Variants in ALDH1A1 observed in about 807,000 individuals in gnomAD.
ALDH1A1 encodes aldehyde dehydrogenase 1 family member A1.
A neutral mutation model predicts 62.1 loss-of-function variants in ALDH1A1; 19 were observed. The ratio of observed to expected loss-of-function variants is 0.31; its 90% CI spans 0.21 to 0.45. ALDH1A1 has a LOEUF of 0.45. Ranked by LOEUF, ALDH1A1 falls within the 20% of genes least tolerant of loss-of-function variation. ALDH1A1 has a pLI of 1.00. For missense variants in ALDH1A1, 521 were observed against 607.1 expected, an observed-to-expected ratio of 0.86 and a Z score of 1.49; for synonymous variants, 231 against 215.9, an observed-to-expected ratio of 1.07 and a Z score of -0.61.
At chr9:72,910,227 T>C (rs1829966101) in intron 10 of ALDH1A1, among the ~76,000 whole-genome samples, 1 of 152,192 alleles carries the variant, frequency 6.6e-6, no homozygotes, top group South Asian at 2.1e-4. Context: ...ATAATAATAA[T>C]GCTTTAAATA....
chr9:72,935,981 A>G (rs1429087770), intron 2 of ALDH1A1, among the ~76,000 whole-genome samples: 4 of 152,232 alleles, frequency 2.6e-5, no homozygotes, highest in Non-Finnish European at 5.9e-5. Context: ...AATTCAAAAA[A>G]GAATGTGATG....
At chr9:72,939,333 G>C (rs1352810060) in intron 2 of ALDH1A1, among the ~76,000 whole-genome samples, 2 of 152,020 alleles carry the variant, frequency 1.3e-5, no homozygotes. Flanking sequence ...TCTATTATTA[G>C]CTGGAAAATA....
At position 72,953,030 on chromosome 9, in the gene ALDH1A1, C is replaced by A; in HGVS notation, c.-30G>T. The stretch of plus-strand genomic sequence containing the variant: ...GATTCGGCTCCTGGAACACAGGTGA[C>A]TGGCTCAGCAATTTGGTTCTGATAG... On this transcript the variant is annotated 5_prime_UTR_variant, in exon 1 of 13. Coordinates refer to ENST00000297785, the MANE Select transcript of ALDH1A1 (RefSeq NM_000689.5). 6.2e-7 allele frequency: 1 copy of A among 1,612,782 alleles called. No individual in the cohort carries two copies. Among genetic ancestry groups the A allele is most frequent in the East Asian group, 2.2e-5 (1 of 44,862 alleles).
At chr9:72,906,277 T>C (rs1164140720) in intron 11 of ALDH1A1, among the ~76,000 whole-genome samples, 1 of 152,156 alleles carries the variant, frequency 6.6e-6, no homozygotes, top group East Asian at 1.9e-4. Flanking sequence ...GTACATTGTG[T>C]CCCTGAGAAG....
intron 2 of ALDH1A1, 122 bp from the exon 3 acceptor site, chr9:72,931,141 C>A: frequency 9.7e-7 from 1 of 1,027,944 alleles, no homozygotes; most frequent in Non-Finnish European, 1.4e-6. Flanking sequence ...TCCATTATCC[C>A]AAAGTCTAAC....
chr9:72,932,486 C>T lies in ALDH1A1; in HGVS notation c.172-1467G>A, dbSNP rs1830294809. On this transcript the variant is annotated intron_variant, in intron 2 of 12. Transcript: ENST00000297785. ...TGGGGCAAGAGAGATATTTTAGAAG[C>T]ACAATCTGGTCTGATTAAGTAATAA... Among the ~76,000 whole-genome samples, 4 of 152,112 alleles carry T rather than the reference C, an allele frequency of 2.6e-5. No homozygotes were observed. The South Asian group carries it at 8.3e-4, about 32-fold the overall frequency.
chr9:72,910,353 T>TA (rs1829967225), intron 10 of ALDH1A1, among the ~76,000 whole-genome samples: 1 of 152,196 alleles, frequency 6.6e-6, no homozygotes, highest in Admixed American at 6.5e-5. Context: ...GTCTACTCTG[T>TA]AGCAAAATCT....
At chr9:72,918,613 CTTTTTTTT>C (rs3079046) in intron 8 of ALDH1A1, 99 bp downstream of exon 8, 73 of 279,458 alleles carry the variant, frequency 2.6e-4, no homozygotes, top group Admixed American at 4.6e-4. Context: ...GAAGCAAATG[CTTTTTTTT>C]TTTTTTTTTT....
At chr9:72,950,187 C>T (rs1051117537) in intron 1 of ALDH1A1, among the ~76,000 whole-genome samples, 7 of 151,928 alleles carry the variant, frequency 4.6e-5, no homozygotes, top group Non-Finnish European at 1.0e-4. Context: ...GGGCTTTGTA[C>T]GCATTAAGTT....
chr9:72,918,377 A>G (rs1392006143), intron 8 of ALDH1A1, among the ~76,000 whole-genome samples: 1 of 152,188 alleles, frequency 6.6e-6, no homozygotes, highest in Non-Finnish European at 1.5e-5. Flanking sequence ...CCCATTCTGG[A>G]GTATCTCATT....
intron 7 of ALDH1A1, among the ~76,000 whole-genome samples, chr9:72,922,170 T>A (rs1019937818): frequency 6.6e-6 from 1 of 151,998 alleles, no homozygotes; most frequent in African/African-American, 2.4e-5. Context: ...CTCAGTAGGG[T>A]GATAAATGTT....
chr9:72,922,588 A>G (rs1224615552), intron 7 of ALDH1A1, among the ~76,000 whole-genome samples: 3 of 152,200 alleles, frequency 2.0e-5, no homozygotes, highest in African/African-American at 7.2e-5. Flanking sequence ...CACTAACAGT[A>G]AAGATAGCTG....
chr9:72,946,559 C>A (rs946132635), intron 1 of ALDH1A1, among the ~76,000 whole-genome samples: 2 of 151,968 alleles, frequency 1.3e-5, no homozygotes, highest in East Asian at 3.9e-4. Flanking sequence ...ATGTCAGCGT[C>A]AGGAAAACCA....
At chr9:72,952,878 A>G in intron 1 of ALDH1A1, 57 bp downstream of exon 1, 1 of 1,591,314 alleles carries the variant, frequency 6.3e-7, no homozygotes, top group Non-Finnish European at 8.6e-7. Flanking sequence ...TTAATGCTTT[A>G]CATAAATGCA....
At chr9:72,945,851 A>T (rs992225916) in intron 1 of ALDH1A1, among the ~76,000 whole-genome samples, 2 of 152,000 alleles carry the variant, frequency 1.3e-5, no homozygotes, top group Admixed American at 1.3e-4. Context: ...AAAATTTTTA[A>T]CTGTCATCAA....
intron 2 of ALDH1A1, among the ~76,000 whole-genome samples, chr9:72,938,759 T>A (rs1830377239): frequency 6.6e-6 from 1 of 151,896 alleles, no homozygotes; most frequent in South Asian, 2.1e-4. Flanking sequence ...ATTTTTTTTT[T>A]TTAATGGAGC....
intron 2 of ALDH1A1, among the ~76,000 whole-genome samples, chr9:72,931,882 A>G (rs1276053112): frequency 1.3e-5 from 2 of 152,246 alleles, no homozygotes; most frequent in Non-Finnish European, 2.9e-5. Context: ...GTCAAAGAGT[A>G]AAGTGACTCC....
Position 72,912,039 on chromosome 9 carries a change from GCCT to G in ALDH1A1, c.1116_1118del (p.Gly373del), listed in dbSNP as rs762904528. On this transcript the variant is annotated inframe_deletion, in exon 10 of 13. Coordinates refer to ENST00000297785, the MANE Select transcript of ALDH1A1 (RefSeq NM_000689.5). ...CAAAGTAGCCTTTATTCCCCCACGGGCCTCCTCCACATTCCAGTTTGGCCCCTT... is the reference window on the plus strand; with the variant it reads ...CAAAGTAGCCTTTATTCCCCCACGGGCCTCCACATTCCAGTTTGGCCCCTT... 1 of 1,613,784 alleles carries G rather than the reference GCCT, an allele frequency of 6.2e-7. No homozygotes were observed. Among genetic ancestry groups the G allele is most frequent in the South Asian group, 1.1e-5 (1 of 91,058 alleles).
rs1044554187 is a variant in ALDH1A1, at chr9:72,901,184, C to T, written c.*24G>A. On this transcript the variant is annotated 3_prime_UTR_variant, in exon 13 of 13. Coordinates refer to ENST00000297785, the MANE Select transcript of ALDH1A1 (RefSeq NM_000689.5). ...AAGGAGATGCTTAGCTATTGAAGAGCTTCTCTCCACTCTTGTATTTTCTTT... is the reference window on the plus strand; with the variant it reads ...AAGGAGATGCTTAGCTATTGAAGAGTTTCTCTCCACTCTTGTATTTTCTTT... 1 of 1,546,158 alleles carries T rather than the reference C, an allele frequency of 6.5e-7. No individual in the cohort carries two copies. Among genetic ancestry groups the T allele is most frequent in the Non-Finnish European group, 8.9e-7 (1 of 1,120,666 alleles).
Sources: allele counts gnomAD v4.1 joint callset (sites outside exome capture counted in the v4.1 genomes callset), GRCh38; gene constraint gnomAD v4.1.1; transcripts MANE v1.5; gene names NCBI Gene and HGNC (gene_info 2026-07-23, HGNC 2026-07-21).